The following DNAJC3 variants were observed in gnomAD, a reference collection of about 807,000 sequenced individuals.
DNAJC3 encodes dnaJ homolog subfamily C member 3.
Under a neutral mutation model 68.6 loss-of-function variants are expected in DNAJC3, and 38 were observed. That is an observed-to-expected ratio of 0.55 (90% confidence interval 0.43 to 0.73). The LOEUF (loss-of-function observed/expected upper bound fraction) is 0.73. Ranked by LOEUF, DNAJC3 falls within the 30% of genes least tolerant of loss-of-function variation. The pLI is 0.00. For synonymous variants in DNAJC3, 203 were observed against 204.0 expected, an observed-to-expected ratio of 1.00 and a Z score of 0.04; for missense variants, 526 against 591.9, an observed-to-expected ratio of 0.89 and a Z score of 1.16.
At chr13:95,738,073 G>C (rs1225906466) in intron 4 of DNAJC3, among the ~76,000 whole-genome samples, 1 of 146,826 alleles carries the variant, frequency 6.8e-6, no homozygotes, top group African/African-American at 2.5e-5. Flanking sequence ...CCTTCATTTC[G>C]TTATGTACCC....
At chr13:95,694,124 T>G (rs755139973) in intron 1 of DNAJC3, 2 of 152,156 alleles carry the variant, frequency 1.3e-5, no homozygotes, top group Non-Finnish European at 2.9e-5. Flanking sequence ...CCCTAAAAAA[T>G]TATTCAACTT....
chr13:95,788,766 A>G (rs1361435662), intron 11 of DNAJC3, among the ~76,000 whole-genome samples: 8 of 152,054 alleles, frequency 5.3e-5, no homozygotes, highest in African/African-American at 1.9e-4. Flanking sequence ...TATCACCCCC[A>G]CCCCTACGGA....
At chr13:95,736,248 A>G (rs1388623190) in intron 4 of DNAJC3, among the ~76,000 whole-genome samples, 3 of 152,060 alleles carry the variant, frequency 2.0e-5, no homozygotes, top group African/African-American at 4.8e-5. Flanking sequence ...TTTGAAGTCA[A>G]GTAGTGTGAT....
chr13:95,690,559 C>T (rs1380079913), intron 1 of DNAJC3, among the ~76,000 whole-genome samples: 6 of 149,890 alleles, frequency 4.0e-5, no homozygotes, highest in Non-Finnish European at 6.0e-5. Context: ...CCAGTAGGGG[C>T]GGCCGGGCAG....
At chr13:95,773,895 C>T (rs1019394151) in intron 9 of DNAJC3, among the ~76,000 whole-genome samples, 10 of 151,900 alleles carry the variant, frequency 6.6e-5, no homozygotes, top group Non-Finnish European at 1.5e-4. Context: ...CACCACCACA[C>T]CCAGCTAATA....
intron 2 of DNAJC3, among the ~76,000 whole-genome samples, chr13:95,717,640 T>A (rs1881193691): frequency 6.6e-6 from 1 of 152,162 alleles, no homozygotes; most frequent in South Asian, 2.1e-4. Context: ...GGGAGATAAT[T>A]GAATCATGGG....
intron 3 of DNAJC3, among the ~76,000 whole-genome samples, chr13:95,723,665 GAC>G (rs1467482967): frequency 6.6e-6 from 1 of 152,206 alleles, no homozygotes; most frequent in Non-Finnish European, 1.5e-5. Flanking sequence ...GTGAGGCTGA[GAC>G]ATGAGTTGAT....
intron 9 of DNAJC3, among the ~76,000 whole-genome samples, chr13:95,785,633 G>GTT (rs1381790478): frequency 3.6e-5 from 5 of 140,560 alleles, no homozygotes; most frequent in African/African-American, 7.9e-5. Context: ...TAATTTTTGT[G>GTT]TTTTTTTTTT....
At position 95,792,779 on chromosome 13, in the gene DNAJC3, A is replaced by C. The variant is rs543901950; in HGVS notation, c.*1749A>C. ...AATAATTTCCAAGGCATTTCTGTTT[A>C]TTCTTTAGTAATCTCACTACTGGCT... On this transcript the variant is annotated 3_prime_UTR_variant, in exon 12 of 12. Coordinates refer to ENST00000602402, the MANE Select transcript of DNAJC3 (RefSeq NM_006260.5). The C allele has an allele frequency of 1.3e-5, 2 of 152,198 alleles. No homozygotes were observed. Among genetic ancestry groups the C allele is most frequent in the Non-Finnish European group, 1.5e-5 (1 of 68,024 alleles). The allele number at this position is 152,198 out of a possible 1,614,324, so 9.4% of individuals were successfully genotyped here. A position where few individuals can be genotyped will look rare whatever the true frequency, so the allele number is the denominator to read the frequency against.
At chr13:95,681,948 A>C (rs904410882) in intron 1 of DNAJC3, among the ~76,000 whole-genome samples, 6 of 152,220 alleles carry the variant, frequency 3.9e-5, no homozygotes, top group African/African-American at 1.4e-4. Flanking sequence ...TCATATTGAA[A>C]TACATTAAAT....
At chr13:95,767,691 G>GGTTTTTTTTTTTTTTTTTTTTTTTTT (rs1555328431) in intron 9 of DNAJC3, among the ~76,000 whole-genome samples, 1 of 135,794 alleles carries the variant, frequency 7.4e-6, no homozygotes, top group African/African-American at 2.7e-5. Context: ...AGTTTTTTGG[G>GGTTTTTTTTTTTTTTTTTTTTTTTTT]TTTTTTTTTT....
chr13:95,708,403 G>A (rs1284558950), intron 1 of DNAJC3, among the ~76,000 whole-genome samples: 2 of 152,140 alleles, frequency 1.3e-5, no homozygotes, highest in African/African-American at 4.8e-5. Flanking sequence ...CAAAGCTGTA[G>A]ACAGGTCCTC....
chr13:95,755,010 G>C (rs1882608300), intron 4 of DNAJC3, among the ~76,000 whole-genome samples: 1 of 152,064 alleles, frequency 6.6e-6, no homozygotes, highest in Non-Finnish European at 1.5e-5. Flanking sequence ...AAATGTGAAA[G>C]CCCTAAGGAA....
chr13:95,734,900 T>C (rs1439273557), intron 4 of DNAJC3, among the ~76,000 whole-genome samples: 1 of 149,988 alleles, frequency 6.7e-6, no homozygotes, highest in African/African-American at 2.5e-5. Context: ...ACATGTGCCA[T>C]GCTGGTGCGC....
intron 1 of DNAJC3, 58 bp from the exon 2 acceptor site, chr13:95,709,169 T>G: frequency 8.1e-7 from 1 of 1,229,430 alleles, no homozygotes. Flanking sequence ...ATTATATTTT[T>G]TAGAATTAAA....
intron 9 of DNAJC3, among the ~76,000 whole-genome samples, chr13:95,767,499 C>T (rs1193333141): frequency 1.3e-5 from 2 of 152,104 alleles, no homozygotes; most frequent in East Asian, 3.9e-4. Context: ...GTGCAAATAT[C>T]TCTGAGATCC....
rs755504184 is a variant in DNAJC3, at chr13:95,757,750, G to A, written c.500G>A (p.Ser167Asn). 2.2e-5 allele frequency: 35 copies of A among 1,573,056 alleles called. No homozygotes were observed. The highest frequency in any genetic ancestry group is 3.4e-5 in the South Asian group (3 of 87,542). ...LRSQALNAFGSGDYTAAIAFL... is the reference protein window; with the variant it reads ...LRSQALNAFGNGDYTAAIAFL... Reference sequence around the variant, plus strand: ...TCACAAGCACTTAACGCTTTTGGAAGTGGAGATTATACTGCTGCTATAGCC... The same window carrying A: ...TCACAAGCACTTAACGCTTTTGGAAATGGAGATTATACTGCTGCTATAGCC... Residue 167 changes from serine (S) to asparagine (N), a missense_variant, in exon 5 of 12, where the codon AGT becomes AAT. Coordinates refer to ENST00000602402, the MANE Select transcript of DNAJC3 (RefSeq NM_006260.5).
At chr13:95,721,421 A>G (rs1009930292) in intron 2 of DNAJC3, among the ~76,000 whole-genome samples, 13 of 152,152 alleles carry the variant, frequency 8.5e-5, no homozygotes, top group African/African-American at 3.1e-4. Context: ...TCTTTGGGGT[A>G]TATACACAGG....
chr13:95,751,000 C>G (rs924178730), intron 4 of DNAJC3, among the ~76,000 whole-genome samples: 2 of 152,176 alleles, frequency 1.3e-5, no homozygotes, highest in African/African-American at 2.4e-5. Flanking sequence ...AATCCCAGCA[C>G]TTTGGAAGGC....
Sources: gnomAD v4.1 joint callset for allele counts (sites outside exome capture counted in the v4.1 genomes callset) on GRCh38, gnomAD v4.1.1 for gene constraint, MANE v1.5 for transcripts, NCBI Gene and HGNC (gene_info 2026-07-23, HGNC 2026-07-21) for gene names.